The following ADAM12 variants were observed in gnomAD, a reference collection of about 807,000 sequenced individuals.
ADAM12 encodes disintegrin and metalloproteinase domain-containing protein 12.
A neutral mutation model predicts 106.4 loss-of-function variants in ADAM12; 70 were observed. The ratio of observed to expected loss-of-function variants is 0.66; its 90% CI spans 0.54 to 0.80. The LOEUF (loss-of-function observed/expected upper bound fraction) is 0.80, where lower values mean the gene tolerates loss of function less well. Among genes scored for constraint, ADAM12 ranks in the 30% least tolerant of loss-of-function variants. The probability of loss-of-function intolerance (pLI) is 0.00; values close to 1 mark genes in which losing one functional copy is unlikely to be tolerated. For synonymous variants in ADAM12, 420 were observed against 433.5 expected, an observed-to-expected ratio of 0.97 and a Z score of 0.39; for missense variants, 1,010 against 1,171.9, an observed-to-expected ratio of 0.86 and a Z score of 2.02.
Position 126,372,476 on chromosome 10 carries a change from A to G in ADAM12, c.88+15582T>C, listed in dbSNP as rs1358254804. Among the ~76,000 whole-genome samples the G allele has an allele frequency of 2.0e-5, 3 of 152,298 alleles. No homozygotes were observed. In the East Asian group the frequency reaches 5.8e-4, roughly 29 times the overall value. On this transcript the variant is annotated intron_variant, in intron 1 of 22. Transcript: ENST00000448723. ...CACAGCCATAAAGAGGCCAAGCCAG[A>G]ACTCAGAGCCACTTCTCACTCCAAG...
At chr10:126,195,124 G>A (rs1957573194) in intron 3 of ADAM12, among the ~76,000 whole-genome samples, 2 of 152,086 alleles carry the variant, frequency 1.3e-5, no homozygotes, top group Admixed American at 6.6e-5. Flanking sequence ...GAGAGATGTG[G>A]GTCAAAGGAC....
intron 2 of ADAM12, among the ~76,000 whole-genome samples, chr10:126,327,733 T>A (rs1442433644): frequency 6.6e-6 from 1 of 151,786 alleles, no homozygotes; most frequent in African/African-American, 2.4e-5. Flanking sequence ...GGAAAAAGAG[T>A]CACAAAAAAT....
intron 1 of ADAM12, among the ~76,000 whole-genome samples, chr10:126,331,658 A>G (rs1854515616): frequency 6.6e-6 from 1 of 152,208 alleles, no homozygotes; most frequent in Non-Finnish European, 1.5e-5. Context: ...AGGAACAGGA[A>G]TGAACTGAAA....
intron 1 of ADAM12, among the ~76,000 whole-genome samples, chr10:126,357,475 G>C (rs139985983): frequency 1.3e-5 from 2 of 152,236 alleles, no homozygotes; most frequent in East Asian, 1.9e-4. Context: ...AGAAAAGCCT[G>C]ATGGCTTTTC....
At chr10:126,186,232 G>A (rs141023640) in intron 3 of ADAM12, among the ~76,000 whole-genome samples, 131 of 152,262 alleles carry the variant, frequency 8.6e-4, no homozygotes, top group South Asian at 5.0e-3. Context: ...TAATCCCCGC[G>A]GGGCAGAAAA....
chr10:126,197,091 C>A (rs1383321233), intron 3 of ADAM12, among the ~76,000 whole-genome samples: 1 of 152,084 alleles, frequency 6.6e-6, no homozygotes, highest in African/African-American at 2.4e-5. Context: ...GCCGTGCAAT[C>A]CAGACCTGAG....
intron 1 of ADAM12, among the ~76,000 whole-genome samples, chr10:126,353,819 C>T (rs528433250): frequency 7.7e-4 from 117 of 152,292 alleles, no homozygotes; most frequent in African/African-American, 2.7e-3. Context: ...AATCAATTGA[C>T]TGCTCTGGCA....
At chr10:126,342,148 G>A (rs1265192324) in intron 1 of ADAM12, among the ~76,000 whole-genome samples, 2 of 152,182 alleles carry the variant, frequency 1.3e-5, no homozygotes, top group East Asian at 3.9e-4. Flanking sequence ...TGGGGAATAG[G>A]GTGAGATGGG....
intron 1 of ADAM12, among the ~76,000 whole-genome samples, chr10:126,380,659 A>T (rs1468889303): frequency 3.3e-5 from 5 of 152,198 alleles, no homozygotes; most frequent in Non-Finnish European, 7.3e-5. Flanking sequence ...AAAAATACTA[A>T]CCAAACATAT....
At chr10:126,322,764 G>A (rs989556015) in intron 2 of ADAM12, among the ~76,000 whole-genome samples, 3 of 152,200 alleles carry the variant, frequency 2.0e-5, no homozygotes, top group Non-Finnish European at 4.4e-5. Context: ...GAGGGAGTCC[G>A]AATCCATTTC....
intron 11 of ADAM12, among the ~76,000 whole-genome samples, chr10:126,075,548 A>C (rs1381116905): frequency 6.6e-6 from 1 of 152,200 alleles, no homozygotes; most frequent in Non-Finnish European, 1.5e-5. Flanking sequence ...AGAATTAAGG[A>C]GAAAAAAATA....
Position 126,049,130 on chromosome 10 carries a change from G to A in ADAM12, c.1917+123C>T. The A allele has an allele frequency of 1.6e-6, 2 of 1,232,216 alleles. No homozygotes were observed. Among genetic ancestry groups the A allele is most frequent in the East Asian group, 2.3e-5 (1 of 42,716 alleles). 76.3% of individuals were successfully genotyped at this position (1,232,216 alleles called of 1,614,324 possible). A position where few individuals can be genotyped will look rare whatever the true frequency, so the allele number is the denominator to read the frequency against. On this transcript the variant is annotated intron_variant, in intron 16 of 22. Coordinates refer to ENST00000448723, the MANE Select transcript of ADAM12 (RefSeq NM_001288973.2). This position sits in a 1 kb window ranked among gnomAD's most constrained non-coding sequence, Gnocchi z 4.4. ...TAGGATTTATTGACTTTTTCTTCTA[G>A]GTGCATCTGAGAAGAAGTAGATTTA... is the stretch of plus-strand genomic sequence containing the variant.
chr10:126,365,008 C>G (rs1186573064), intron 1 of ADAM12, among the ~76,000 whole-genome samples: 1 of 152,152 alleles, frequency 6.6e-6, no homozygotes, highest in Non-Finnish European at 1.5e-5. Flanking sequence ...TCCCTGTCAT[C>G]CTGGATGTGT....
intron 21 of ADAM12, among the ~76,000 whole-genome samples, chr10:126,026,563 A>G (rs1011671672): frequency 3.9e-5 from 6 of 152,300 alleles, no homozygotes; most frequent in African/African-American, 1.2e-4. Context: ...AACTGAAATC[A>G]TAACAGTCTG....
intron 3 of ADAM12, among the ~76,000 whole-genome samples, chr10:126,177,656 A>C (rs1033702209): frequency 6.6e-6 from 1 of 152,222 alleles, no homozygotes; most frequent in Non-Finnish European, 1.5e-5. Context: ...TTGGTTTAAG[A>C]ATGTGGGAAG....
At chr10:126,339,488 C>T (rs1444382192) in intron 1 of ADAM12, among the ~76,000 whole-genome samples, 2 of 152,152 alleles carry the variant, frequency 1.3e-5, no homozygotes, top group African/African-American at 4.8e-5. Flanking sequence ...TTGCGCTTTG[C>T]TTTTGTTCTT....
chr10:126,346,596 T>G (rs1362254450), intron 1 of ADAM12, among the ~76,000 whole-genome samples: 2 of 152,224 alleles, frequency 1.3e-5, no homozygotes, highest in African/African-American at 2.4e-5. Flanking sequence ...TCTGTCTCGT[T>G]GATCTGTCTA....
At chr10:126,136,888 T>C (rs148767861) in intron 4 of ADAM12, among the ~76,000 whole-genome samples, 194 of 152,370 alleles carry the variant, frequency 1.3e-3, no homozygotes, top group African/African-American at 4.5e-3. Context: ...ATTAATACTC[T>C]GCCTGTTATT....
intron 1 of ADAM12, among the ~76,000 whole-genome samples, chr10:126,364,462 T>C (rs1444603174): frequency 1.3e-5 from 2 of 152,160 alleles, no homozygotes; most frequent in Non-Finnish European, 2.9e-5. Context: ...GACATTTTAA[T>C]AAACAGGCTA....
Sources: allele counts gnomAD v4.1 joint callset (sites outside exome capture counted in the v4.1 genomes callset), GRCh38; gene constraint gnomAD v4.1.1; non-coding constraint Gnocchi (gnomAD v3.1); transcripts MANE v1.5; gene names NCBI Gene and HGNC (gene_info 2026-07-23, HGNC 2026-07-21).